Variants in C2CD3 observed in about 807,000 individuals in gnomAD.
The protein encoded by C2CD3 is C2 domain-containing protein 3.
C2CD3 carries 148 observed loss-of-function variants against 234.0 expected under a neutral mutation model. That is an observed-to-expected ratio of 0.63 (90% CI 0.55 to 0.72). The LOEUF is 0.72. Among genes scored for constraint, C2CD3 ranks in the 30% least tolerant of loss-of-function variants. C2CD3 has a pLI of 0.00. For synonymous variants in C2CD3, 1,000 were observed against 1,035.4 expected (o/e 0.97, Z 0.66); for missense variants, 2,577 against 2,811.5 (o/e 0.92, Z 1.89).
At chr11:74,047,605 A>C (rs1304852691) in intron 28 of C2CD3, among the ~76,000 whole-genome samples, 4 of 152,190 alleles carry the variant, frequency 2.6e-5, no homozygotes, top group Non-Finnish European at 4.4e-5. Flanking sequence ...CTGCTCAGTA[A>C]CTGCTCTTGT....
chr11:74,048,612 C>T (rs1953505557), intron 27 of C2CD3, among the ~76,000 whole-genome samples: 2 of 152,210 alleles, frequency 1.3e-5, no homozygotes, highest in South Asian at 4.1e-4. Flanking sequence ...TATTAATACA[C>T]TGTAAATGCC....
At chr11:74,158,916 T>G (rs778824497) in intron 3 of C2CD3, among the ~76,000 whole-genome samples, 2 of 152,160 alleles carry the variant, frequency 1.3e-5, no homozygotes, top group Non-Finnish European at 2.9e-5. Context: ...TGTCAATTAG[T>G]ACAATCATTA....
At chr11:74,024,521 A>G (rs1342216483) in intron 32 of C2CD3, among the ~76,000 whole-genome samples, 2 of 152,244 alleles carry the variant, frequency 1.3e-5, no homozygotes, top group Admixed American at 1.3e-4. Flanking sequence ...CAAGTTCTTC[A>G]AAGTGAGGCC....
intron 28 of C2CD3, among the ~76,000 whole-genome samples, chr11:74,045,565 C>A (rs1953325388): frequency 8.8e-6 from 1 of 114,126 alleles, no homozygotes; most frequent in Admixed American, 8.2e-5. Flanking sequence ...TTTCAATTTT[C>A]TTTTTTCTTT....
chr11:74,119,104 T>C (rs554202049), intron 8 of C2CD3, among the ~76,000 whole-genome samples: 2 of 151,926 alleles, frequency 1.3e-5, no homozygotes, highest in Admixed American at 1.3e-4. Flanking sequence ...GAGAGGAAGT[T>C]TGGCCATGTT....
At chr11:74,072,271 A>G (rs1954831477) in intron 24 of C2CD3, among the ~76,000 whole-genome samples, 1 of 152,236 alleles carries the variant, frequency 6.6e-6, no homozygotes. Flanking sequence ...GGATGAGAAC[A>G]TCAAGGATCA....
chr11:74,033,453 C>A lies in C2CD3; in HGVS notation c.6707G>T (p.Ser2236Ile), dbSNP rs1274391995. The A allele has an allele frequency of 6.5e-7, 1 of 1,536,164 alleles. No homozygotes were observed. Among genetic ancestry groups the A allele is most frequent in the Non-Finnish European group, 8.7e-7 (1 of 1,146,904 alleles). The change falls in exon 31 of 33, where the codon AGC becomes ATC. Residue 2236 changes from serine to isoleucine, a missense_variant. By Grantham distance (142) the Ser-to-Ile change is moderately radical. Transcript: ENST00000334126. ...TGGTCCCTTATGGTTTTCCCTTCTG[C>A]TCTGGGAGGCTAGATTTAGCGGCAA... is the stretch of plus-strand genomic sequence containing the variant. The part of the protein sequence containing the change: ...KKLPLNLASQ[S>I]RRENHKGPPI...
At chr11:74,043,803 C>T (rs1298452067) in intron 28 of C2CD3, among the ~76,000 whole-genome samples, 3 of 151,922 alleles carry the variant, frequency 2.0e-5, no homozygotes, top group African/African-American at 4.8e-5. Context: ...TGGTTATTTG[C>T]TTTTTATTAT....
At chr11:74,066,625 C>A (rs1954555176) in intron 24 of C2CD3, among the ~76,000 whole-genome samples, 1 of 149,122 alleles carries the variant, frequency 6.7e-6, no homozygotes, top group Non-Finnish European at 1.5e-5. Flanking sequence ...ATGTTTTCCT[C>A]AACGTAAAGA....
At chr11:74,093,624 G>A (rs1215396884) in intron 18 of C2CD3, among the ~76,000 whole-genome samples, 192 bp downstream of exon 18, 1 of 152,086 alleles carries the variant, frequency 6.6e-6, no homozygotes, top group Non-Finnish European at 1.5e-5. Context: ...GATACAATGG[G>A]TCATAAGATC....
chr11:74,085,487 T>C lies in C2CD3; in HGVS notation c.3910+131A>G, dbSNP rs937280050. The C allele has an allele frequency of 1.8e-4, 161 of 892,614 alleles. 1 individual carries two copies. Among genetic ancestry groups the C allele is most frequent in the Non-Finnish European group, 1.2e-5 (7 of 589,608 alleles). 55.3% of individuals were successfully genotyped at this position (892,614 alleles called of 1,614,324 possible). A position where few individuals can be genotyped will look rare whatever the true frequency, so the allele number is the denominator to read the frequency against. On this transcript the variant is annotated intron_variant, in intron 21 of 32. Transcript: ENST00000334126. ...CATATCCTTATTTTTTGCTATATCT[T>C]TCAGAAATAAGTTGCAGAGATTATG...
intron 9 of C2CD3, among the ~76,000 whole-genome samples, chr11:74,117,808 G>C (rs1267292114): frequency 1.3e-5 from 2 of 151,878 alleles, no homozygotes; most frequent in Non-Finnish European, 2.9e-5. Flanking sequence ...AGCTACTCGG[G>C]AGGCTGAGGC....
At chr11:74,155,688 A>C (rs887112529) in intron 3 of C2CD3, among the ~76,000 whole-genome samples, 5 of 152,226 alleles carry the variant, frequency 3.3e-5, no homozygotes, top group Non-Finnish European at 7.3e-5. Flanking sequence ...CAGAACAGGC[A>C]AATACACAGA....
rs930061328 is a variant in C2CD3 at position 74,078,393 on chromosome 11, T to C, written c.4325A>G (p.Tyr1442Cys). ...AGGGGTCCAAAAGGCTTCATGATCA[T>C]AGAACTTGTAGCGAAGGTAGCAATA... ...NTYCYLRYKF[Y>C]DHEAFWTPLK... Residue 1442 changes from tyrosine to cysteine, a missense_variant, in exon 23 of 33, where the codon TAT becomes TGT. By Grantham distance (194) the Tyr-to-Cys change is radical (BLOSUM62 -2). Coordinates refer to ENST00000334126, the MANE Select transcript of C2CD3 (RefSeq NM_001286577.2). 5 of 1,614,160 alleles carry C rather than the reference T, an allele frequency of 3.1e-6. No homozygotes were observed. The highest frequency in any genetic ancestry group is 2.2e-5 in the East Asian group (1 of 44,874).
chr11:74,038,267 A>G (rs943783952), intron 29 of C2CD3, among the ~76,000 whole-genome samples: 1 of 152,220 alleles, frequency 6.6e-6, no homozygotes, highest in Non-Finnish European at 1.5e-5. Flanking sequence ...TTGGCACAAA[A>G]CAAAAGAATG....
chr11:74,120,206 C>T (rs2135520387), intron 8 of C2CD3, among the ~76,000 whole-genome samples: 1 of 151,826 alleles, frequency 6.6e-6, no homozygotes, highest in East Asian at 1.9e-4. Context: ...TATACATGTG[C>T]CATGTTGGTT....
At chr11:74,016,219 G>A (rs1460156338) in intron 32 of C2CD3, among the ~76,000 whole-genome samples, 5 of 152,178 alleles carry the variant, frequency 3.3e-5, no homozygotes, top group Admixed American at 6.5e-5. Flanking sequence ...CAGACAATGA[G>A]CTACCCAACA....
intron 12 of C2CD3, chr11:74,107,902 G>A (rs970394468): frequency 1.3e-5 from 2 of 152,080 alleles, no homozygotes; most frequent in African/African-American, 4.8e-5. Context: ...TGTAATCCCA[G>A]CACTTTGGGA....
chr11:74,016,416 G>A (rs1363096386), intron 32 of C2CD3, among the ~76,000 whole-genome samples: 1 of 152,324 alleles, frequency 6.6e-6, no homozygotes, highest in East Asian at 1.9e-4. Context: ...CCTACTGGCT[G>A]GGCCATATCT....
Sources: allele counts gnomAD v4.1 joint callset (sites outside exome capture counted in the v4.1 genomes callset), GRCh38; gene constraint gnomAD v4.1.1; transcripts MANE v1.5; gene names NCBI Gene and HGNC (gene_info 2026-07-23, HGNC 2026-07-21).